The following SEZ6L variants were observed in gnomAD, a reference collection of about 807,000 sequenced individuals.
SEZ6L encodes seizure 6-like protein.
SEZ6L carries 37 observed loss-of-function variants against 106.2 expected under a neutral mutation model. The ratio of observed to expected loss-of-function variants is 0.35; its 90% CI spans 0.27 to 0.46. SEZ6L has a LOEUF of 0.46. Among genes scored for constraint, SEZ6L ranks in the 20% least tolerant of loss-of-function variants. The pLI is 1.00. For synonymous variants in SEZ6L, 541 were observed against 570.4 expected (o/e 0.95, Z 0.73); for missense variants, 1,172 against 1,332.8 (o/e 0.88, Z 1.88).
intron 1 of SEZ6L, among the ~76,000 whole-genome samples, chr22:26,198,635 A>T (rs928370966): frequency 6.6e-6 from 1 of 152,166 alleles, no homozygotes; most frequent in South Asian, 2.1e-4. Context: ...TGCTTCCGGG[A>T]TGGTGCCTGT....
chr22:26,292,382 T>A, intron 1 of SEZ6L, 24 bp from the exon 2 acceptor site: 1 of 1,575,934 alleles, frequency 6.3e-7, no homozygotes, highest in Non-Finnish European at 8.7e-7. Context: ...CCAAACTAAC[T>A]GGTGTCTTTT....
At chr22:26,334,520 T>G (rs1447025895) in intron 9 of SEZ6L, among the ~76,000 whole-genome samples, 1 of 152,232 alleles carries the variant, frequency 6.6e-6, no homozygotes, top group Non-Finnish European at 1.5e-5. Flanking sequence ...TTTTGCTTAT[T>G]CATTGATCTG....
chr22:26,254,237 A>G (rs868043931), intron 1 of SEZ6L: 1 of 152,216 alleles, frequency 6.6e-6, no homozygotes, highest in Non-Finnish European at 1.5e-5. Context: ...CCTTTGACCA[A>G]AGGATTTCAT....
chr22:26,219,589 T>C (rs2078402338), intron 1 of SEZ6L, among the ~76,000 whole-genome samples: 1 of 152,164 alleles, frequency 6.6e-6, no homozygotes, highest in Non-Finnish European at 1.5e-5. Flanking sequence ...TCTAAGGGCA[T>C]TTTTAAAAAT....
chr22:26,368,671 G>A (rs1239707801), intron 13 of SEZ6L, among the ~76,000 whole-genome samples: 1 of 152,058 alleles, frequency 6.6e-6, no homozygotes, highest in Non-Finnish European at 1.5e-5. Flanking sequence ...GCGCACCATT[G>A]TGAATATGCT....
chr22:26,238,637 G>A (rs886664451), intron 1 of SEZ6L, among the ~76,000 whole-genome samples: 7 of 152,240 alleles, frequency 4.6e-5, no homozygotes, highest in Middle Eastern at 3.4e-3. Context: ...TGTTTTTTGG[G>A]CACCAACAAT....
At chr22:26,373,338 C>A in intron 13 of SEZ6L, 113 bp from the exon 14 acceptor site, 1 of 867,236 alleles carries the variant, frequency 1.2e-6, no homozygotes. Context: ...AAACATACCA[C>A]TAACTTCACC....
intron 10 of SEZ6L, among the ~76,000 whole-genome samples, chr22:26,344,483 T>C (rs1166612444): frequency 6.6e-6 from 1 of 152,138 alleles, no homozygotes; most frequent in East Asian, 1.9e-4. Flanking sequence ...CTCCCTGGAG[T>C]GCTGTTTTGA....
intron 1 of SEZ6L, among the ~76,000 whole-genome samples, chr22:26,210,141 C>T (rs972931355): frequency 2.6e-5 from 4 of 152,180 alleles, no homozygotes; most frequent in African/African-American, 9.7e-5. Context: ...ACCTGGGAAG[C>T]CTCTCAGTAG....
chr22:26,296,422 G>A (rs2081302067), intron 3 of SEZ6L, among the ~76,000 whole-genome samples: 1 of 152,112 alleles, frequency 6.6e-6, no homozygotes, highest in Non-Finnish European at 1.5e-5. Flanking sequence ...TACTATTCTA[G>A]GCACTGGAAA....
At chr22:26,230,724 G>A (rs906650273) in intron 1 of SEZ6L, among the ~76,000 whole-genome samples, 7 of 152,204 alleles carry the variant, frequency 4.6e-5, no homozygotes, top group Admixed American at 4.6e-4. Context: ...AAAAGGGAGG[G>A]AGAGAGCCCC....
chr22:26,170,916 G>A (rs1938552314), intron 1 of SEZ6L, among the ~76,000 whole-genome samples: 1 of 152,100 alleles, frequency 6.6e-6, no homozygotes, highest in Non-Finnish European at 1.5e-5. Context: ...TCGGAGTTGG[G>A]GGACAGGCGG....
chr22:26,332,804 C>G (rs1366221975), intron 9 of SEZ6L, among the ~76,000 whole-genome samples: 1 of 152,182 alleles, frequency 6.6e-6, no homozygotes, highest in Middle Eastern at 3.2e-3. Context: ...AAGACTCAAT[C>G]GGAACACACT....
intron 1 of SEZ6L, among the ~76,000 whole-genome samples, chr22:26,280,070 T>C (rs2080711758): frequency 6.6e-6 from 1 of 152,216 alleles, no homozygotes; most frequent in Non-Finnish European, 1.5e-5. Flanking sequence ...TCATTTCTAC[T>C]CTGCTGAGGT....
intron 1 of SEZ6L, among the ~76,000 whole-genome samples, chr22:26,266,587 AAAT>A (rs2145830326): frequency 1.9e-5 from 1 of 52,092 alleles, no homozygotes; most frequent in African/African-American, 1.3e-4. Flanking sequence ...ATAAATAAAT[AAAT>A]AAATAAATAA....
intron 12 of SEZ6L, among the ~76,000 whole-genome samples, chr22:26,360,201 C>T (rs2083567127): frequency 6.6e-6 from 1 of 152,190 alleles, no homozygotes; most frequent in African/African-American, 2.4e-5. Flanking sequence ...GGGGCGGAGC[C>T]AGGGCACAGG....
intron 1 of SEZ6L, among the ~76,000 whole-genome samples, chr22:26,220,276 G>C (rs1226345196): frequency 6.6e-6 from 1 of 152,208 alleles, no homozygotes; most frequent in African/African-American, 2.4e-5. Context: ...CAGGGTCCTG[G>C]AGCTACATCA....
intron 8 of SEZ6L, 23 bp downstream of exon 8, chr22:26,311,985 T>C: frequency 6.2e-7 from 1 of 1,602,434 alleles, no homozygotes; most frequent in East Asian, 2.2e-5. Flanking sequence ...ACAACGCTCT[T>C]CCCACGGCAC....
chr22:26,249,388 A>G (rs1407583752), intron 1 of SEZ6L, among the ~76,000 whole-genome samples: 1 of 152,170 alleles, frequency 6.6e-6, no homozygotes, highest in Non-Finnish European at 1.5e-5. Context: ...CAGCCTTTTC[A>G]GTTTCAACAG....
Sources: gnomAD v4.1 joint callset for allele counts (sites outside exome capture counted in the v4.1 genomes callset) on GRCh38, gnomAD v4.1.1 for gene constraint, MANE v1.5 for transcripts, NCBI Gene and HGNC (gene_info 2026-07-23, HGNC 2026-07-21) for gene names.